Variants in NSMCE2 observed in about 807,000 individuals in gnomAD.
NSMCE2 encodes E3 SUMO-protein ligase NSE2.
A neutral mutation model predicts 23.8 loss-of-function variants in NSMCE2; 24 were observed. The observed-to-expected ratio is 1.01, with a 90% CI of 0.73 to 1.42. The LOEUF (loss-of-function observed/expected upper bound fraction) is 1.42. Ranked by LOEUF, NSMCE2 falls within the 40% of genes most tolerant of loss-of-function variation. The pLI is 0.00. For missense variants in NSMCE2, 284 were observed against 296.5 expected (o/e 0.96, Z 0.31); for synonymous variants, 92 against 94.1 (o/e 0.98, Z 0.13).
chr8:125,149,586 C>A (rs1271296558), intron 3 of NSMCE2, among the ~76,000 whole-genome samples: 6 of 152,112 alleles, frequency 3.9e-5, no homozygotes, highest in Non-Finnish European at 8.8e-5. Flanking sequence ...TTTTCCTAAT[C>A]TATTAAATTA....
intron 5 of NSMCE2, among the ~76,000 whole-genome samples, chr8:125,308,054 C>T (rs1586747210): frequency 6.6e-6 from 1 of 152,192 alleles, no homozygotes; most frequent in East Asian, 1.9e-4. Flanking sequence ...GTAACAGTGG[C>T]TCCCTGGTAC....
chr8:125,173,978 G>T (rs1006675560), intron 4 of NSMCE2, among the ~76,000 whole-genome samples: 1 of 152,118 alleles, frequency 6.6e-6, no homozygotes, highest in Admixed American at 6.5e-5. Context: ...CAGACGAAAG[G>T]TGCTGTGTAA....
At chr8:125,132,241 G>A (rs1429540638) in intron 3 of NSMCE2, among the ~76,000 whole-genome samples, 2 of 151,998 alleles carry the variant, frequency 1.3e-5, no homozygotes, top group South Asian at 2.1e-4. Context: ...GGGACTACAA[G>A]CGTACACCAT....
intron 5 of NSMCE2, among the ~76,000 whole-genome samples, chr8:125,302,588 T>A (rs1828608236): frequency 6.6e-6 from 1 of 152,230 alleles, no homozygotes; most frequent in Non-Finnish European, 1.5e-5. Flanking sequence ...AGAAGATAGC[T>A]GGCACTGTGC....
chr8:125,283,927 G>A (rs1047841170), intron 5 of NSMCE2, among the ~76,000 whole-genome samples: 1 of 152,162 alleles, frequency 6.6e-6, no homozygotes, highest in Non-Finnish European at 1.5e-5. Context: ...GCCAAGGTGG[G>A]CAGATCACAA....
chr8:125,208,837 A>C (rs549599399), intron 5 of NSMCE2, among the ~76,000 whole-genome samples: 2 of 152,372 alleles, frequency 1.3e-5, no homozygotes, highest in South Asian at 4.1e-4. Flanking sequence ...TTATCTAATT[A>C]GAGTCTTTTC....
intron 5 of NSMCE2, among the ~76,000 whole-genome samples, chr8:125,300,169 CTTT>C (rs531442143): frequency 7.0e-6 from 1 of 142,418 alleles, no homozygotes; most frequent in Non-Finnish European, 1.5e-5. Flanking sequence ...GGCTGTGCCT[CTTT>C]TTTTTTTTTT....
At chr8:125,258,381 A>T (rs1826531518) in intron 5 of NSMCE2, among the ~76,000 whole-genome samples, 1 of 152,178 alleles carries the variant, frequency 6.6e-6, no homozygotes, top group Non-Finnish European at 1.5e-5. Flanking sequence ...TTTGGAGATT[A>T]TGGTCTTATA....
chr8:125,299,325 TA>T (rs1828458480), intron 5 of NSMCE2, among the ~76,000 whole-genome samples: 1 of 152,194 alleles, frequency 6.6e-6, no homozygotes, highest in Middle Eastern at 3.2e-3. Context: ...CACACTGCTA[TA>T]AAGAATGAAC....
At chr8:125,278,954 C>T (rs1244606206) in intron 5 of NSMCE2, among the ~76,000 whole-genome samples, 1 of 151,412 alleles carries the variant, frequency 6.6e-6, no homozygotes, top group Non-Finnish European at 1.5e-5. Context: ...AGGTTAGAGC[C>T]ATAGTCAAAT....
At chr8:125,292,245 G>A (rs1828139057) in intron 5 of NSMCE2, among the ~76,000 whole-genome samples, 1 of 151,704 alleles carries the variant, frequency 6.6e-6, no homozygotes, top group Admixed American at 6.6e-5. Context: ...AGAAGAAGAA[G>A]AAAAAAGAAG....
intron 7 of NSMCE2, among the ~76,000 whole-genome samples, chr8:125,361,565 A>C (rs1813555667): frequency 6.6e-6 from 1 of 152,202 alleles, no homozygotes; most frequent in African/African-American, 2.4e-5. Context: ...CTCATCTGTA[A>C]AGTGGAAATA....
At position 125,194,243 on chromosome 8, in the gene NSMCE2, G is replaced by C. The variant is rs139141494; in HGVS notation, c.418+11987G>C. Among the ~76,000 whole-genome samples the C allele has an allele frequency of 9.5e-3, 1,444 of 152,200 alleles. 12 individuals carry two copies. The highest frequency in any genetic ancestry group is 0.017 in the Admixed American group (254 of 15,286). On this transcript the variant is annotated intron_variant, in intron 5 of 7. Transcript: ENST00000287437. Reference sequence around the variant, plus strand: ...ACAAAAAATTCTCCTGTGCCACTTTGTAGTTGACTCCTCCCCCCATTCCCA... The same window carrying C: ...ACAAAAAATTCTCCTGTGCCACTTTCTAGTTGACTCCTCCCCCCATTCCCA...
intron 3 of NSMCE2, among the ~76,000 whole-genome samples, chr8:125,125,304 T>C (rs1453681367): frequency 6.6e-6 from 1 of 152,218 alleles, no homozygotes; most frequent in Non-Finnish European, 1.5e-5. Flanking sequence ...TCTGGAGAGC[T>C]CCCTTCCTCC....
At chr8:125,342,995 G>T (rs1830302673) in intron 5 of NSMCE2, among the ~76,000 whole-genome samples, 1 of 151,984 alleles carries the variant, frequency 6.6e-6, no homozygotes, top group Admixed American at 6.5e-5. Flanking sequence ...TTTTAAACGA[G>T]TATATTGTGC....
At chr8:125,147,363 A>T (rs1023422245) in intron 3 of NSMCE2, among the ~76,000 whole-genome samples, 7 of 152,188 alleles carry the variant, frequency 4.6e-5, no homozygotes, top group Non-Finnish European at 8.8e-5. Context: ...ATATTGAAGG[A>T]AGAGTTGCTA....
At chr8:125,120,920 A>G (rs1819233907) in intron 3 of NSMCE2, among the ~76,000 whole-genome samples, 1 of 152,162 alleles carries the variant, frequency 6.6e-6, no homozygotes, top group South Asian at 2.1e-4. Context: ...AAGCTTTATT[A>G]CTTTTGAATT....
chr8:125,266,580 T>G (rs1826927275), intron 5 of NSMCE2, among the ~76,000 whole-genome samples: 1 of 152,230 alleles, frequency 6.6e-6, no homozygotes, highest in African/African-American at 2.4e-5. Flanking sequence ...TATCAATTTG[T>G]CCTGCTATAT....
At chr8:125,261,298 A>G (rs1826682770) in intron 5 of NSMCE2, among the ~76,000 whole-genome samples, 1 of 152,242 alleles carries the variant, frequency 6.6e-6, no homozygotes, top group Non-Finnish European at 1.5e-5. Context: ...CAAATTTGCA[A>G]GGTTAGAAAT....
Sources: gnomAD v4.1 joint callset for allele counts (sites outside exome capture counted in the v4.1 genomes callset) on GRCh38, gnomAD v4.1.1 for gene constraint, MANE v1.5 for transcripts, NCBI Gene and HGNC (gene_info 2026-07-23, HGNC 2026-07-21) for gene names.